SLC35D4: variants seen among roughly 807,000 people sequenced by gnomAD.
The protein encoded by SLC35D4 is solute carrier family 35 member D4, also known as UDP-N-acetylglucosamine transporter SLC35D4.
the SLC35D4 span, among the ~76,000 whole-genome samples, chr18:23,275,715 C>T: frequency 6.6e-6 from 1 of 152,096 alleles, no homozygotes; most frequent in Non-Finnish European, 1.5e-5. Context: ...GGTCATGTAG[C>T]CCAACTCTTA....
the SLC35D4 span, among the ~76,000 whole-genome samples, chr18:23,269,034 G>A: frequency 5.3e-5 from 8 of 152,170 alleles, no homozygotes; most frequent in Non-Finnish European, 7.3e-5. Flanking sequence ...GGCCCAATGA[G>A]CTTGGGCTAA....
At chr18:23,278,306 A>G in the SLC35D4 span, among the ~76,000 whole-genome samples, 2 of 152,288 alleles carry the variant, frequency 1.3e-5, no homozygotes, top group South Asian at 4.1e-4. Flanking sequence ...TAGGGACTAC[A>G]TGTGCTGATG....
the SLC35D4 span, among the ~76,000 whole-genome samples, chr18:23,291,136 G>T: frequency 1.3e-5 from 2 of 152,190 alleles, no homozygotes; most frequent in African/African-American, 4.8e-5. Flanking sequence ...CTGCAATGGG[G>T]TCTGAACAAG....
the SLC35D4 span, chr18:23,258,322 G>T: frequency 0.58 from 88,450 of 152,532 alleles, 25,838 homozygotes; most frequent in African/African-American, 0.64. Context: ...TATCTATATC[G>T]CTATATAAAA....
the SLC35D4 span, among the ~76,000 whole-genome samples, chr18:23,352,708 G>A: frequency 6.6e-6 from 1 of 152,168 alleles, no homozygotes; most frequent in South Asian, 2.1e-4. Context: ...AGAAGAGAGA[G>A]TCTGGACTGG....
chr18:23,339,115 T>C, the SLC35D4 span, among the ~76,000 whole-genome samples: 1 of 152,184 alleles, frequency 6.6e-6, no homozygotes, highest in Admixed American at 6.5e-5. Flanking sequence ...GGTCTTGAAC[T>C]CCTGGCCTTA....
chr18:23,243,941 C>G, the SLC35D4 span, among the ~76,000 whole-genome samples: 3 of 151,930 alleles, frequency 2.0e-5, no homozygotes, highest in African/African-American at 7.3e-5. Flanking sequence ...GCAGCATCTG[C>G]TCTCTATGTA....
At chr18:23,411,539 A>AAGAAAGAAAGAAAG in the SLC35D4 span, among the ~76,000 whole-genome samples, 3 of 149,642 alleles carry the variant, frequency 2.0e-5, no homozygotes, top group African/African-American at 7.4e-5. Context: ...GAAAGAAAGA[A>AAGAAAGAAAGAAAG]AGAAAGAAAG....
the SLC35D4 span, among the ~76,000 whole-genome samples, chr18:23,345,595 G>C: frequency 2.0e-5 from 3 of 147,606 alleles, no homozygotes; most frequent in African/African-American, 7.5e-5. Context: ...ATAATGTCTT[G>C]ATTATTCTAG....
the SLC35D4 span, among the ~76,000 whole-genome samples, chr18:23,352,450 A>T: frequency 4.2e-3 from 640 of 152,326 alleles, 17 homozygotes; most frequent in Admixed American, 0.036. Context: ...AATAAAAAAA[A>T]TTTTAAAGTC....
the SLC35D4 span, among the ~76,000 whole-genome samples, chr18:23,299,589 C>T: frequency 1.3e-5 from 2 of 152,242 alleles, no homozygotes; most frequent in Non-Finnish European, 2.9e-5. Context: ...ACTAACTCTA[C>T]AGCAGTAATT....
At chr18:23,261,863 A>G in the SLC35D4 span, among the ~76,000 whole-genome samples, 2,145 of 152,330 alleles carry the variant, frequency 0.014, 18 homozygotes, top group African/African-American at 0.024. Flanking sequence ...CTTTTGCACC[A>G]TCATAAAGTT....
chr18:23,351,344 T>C, the SLC35D4 span, among the ~76,000 whole-genome samples: 1 of 151,892 alleles, frequency 6.6e-6, no homozygotes, highest in Non-Finnish European at 1.5e-5. Flanking sequence ...GAGGCAGAGG[T>C]TGCAATGAGT....
the SLC35D4 span, among the ~76,000 whole-genome samples, chr18:23,272,486 G>A: frequency 3.9e-5 from 6 of 152,154 alleles, no homozygotes; most frequent in African/African-American, 1.4e-4. Context: ...GGAATAAAAT[G>A]GAATAAAAAT....
the SLC35D4 span, among the ~76,000 whole-genome samples, chr18:23,241,205 G>A: frequency 6.6e-6 from 1 of 152,104 alleles, no homozygotes; most frequent in Non-Finnish European, 1.5e-5. Flanking sequence ...CATGTCATGT[G>A]TGTCAGTAGA....
chr18:23,434,479 T>C, the SLC35D4 span, among the ~76,000 whole-genome samples: 3 of 152,222 alleles, frequency 2.0e-5, no homozygotes, highest in African/African-American at 7.2e-5. Context: ...ACATGGAAGG[T>C]ATTTTGTCCT....
chr18:23,269,517 T>G, the SLC35D4 span, among the ~76,000 whole-genome samples: 1 of 152,216 alleles, frequency 6.6e-6, no homozygotes, highest in South Asian at 2.1e-4. Context: ...AAATTGGTAC[T>G]GGTAGAGTGG....
chr18:23,317,276 C>T, the SLC35D4 span, among the ~76,000 whole-genome samples: 3 of 152,164 alleles, frequency 2.0e-5, no homozygotes, highest in African/African-American at 7.2e-5. Context: ...TTGTAATTCT[C>T]ATAGGAAGAT....
chr18:23,284,906 AG>A, the SLC35D4 span, among the ~76,000 whole-genome samples: 2 of 152,208 alleles, frequency 1.3e-5, no homozygotes, highest in Admixed American at 6.5e-5. Context: ...GTGAGAGTTA[AG>A]AGGCAGGGGA....
Sources: allele counts gnomAD v4.1 joint callset (sites outside exome capture counted in the v4.1 genomes callset), GRCh38; gene constraint gnomAD v4.1.1; transcripts MANE v1.5; gene names NCBI Gene and HGNC (gene_info 2026-07-23, HGNC 2026-07-21).